Variants in RIMS1 observed in about 807,000 individuals in gnomAD.
The protein encoded by RIMS1 is regulating synaptic membrane exocytosis protein 1.
In RIMS1, 83 loss-of-function variants were observed where a neutral mutation model predicts 214.1. That is an observed-to-expected ratio of 0.39 (90% confidence interval 0.32 to 0.47). RIMS1 has a LOEUF of 0.47. Among genes scored for constraint, RIMS1 ranks in the 20% least tolerant of loss-of-function variants. The pLI is 0.99. For synonymous variants in RIMS1, 793 were observed against 786.8 expected, an observed-to-expected ratio of 1.01 and a Z score of -0.13; for missense variants, 2,050 against 2,161.8, an observed-to-expected ratio of 0.95 and a Z score of 1.03.
chr6:72,338,565 A>G (rs944859401), intron 29 of RIMS1, among the ~76,000 whole-genome samples: 3 of 151,992 alleles, frequency 2.0e-5, no homozygotes, highest in Admixed American at 6.6e-5. Context: ...TTTGCCACCT[A>G]CTCATCTGAC....
chr6:72,278,342 G>A (rs184740487), intron 23 of RIMS1, among the ~76,000 whole-genome samples: 1 of 152,168 alleles, frequency 6.6e-6, no homozygotes, highest in Non-Finnish European at 1.5e-5. Context: ...TTCTGCTAAA[G>A]TGGCTCTAGT....
chr6:72,193,844 C>A (rs1406260591), intron 6 of RIMS1, among the ~76,000 whole-genome samples: 2 of 151,958 alleles, frequency 1.3e-5, no homozygotes, highest in Non-Finnish European at 2.9e-5. Context: ...TTATCAATAT[C>A]TATAATATAC....
chr6:72,386,735 T>C (rs1456009131), intron 29 of RIMS1, among the ~76,000 whole-genome samples: 7 of 146,358 alleles, frequency 4.8e-5, no homozygotes, highest in South Asian at 4.5e-4. Context: ...GTCTTTCTTT[T>C]TTTTTTTTTT....
intron 29 of RIMS1, among the ~76,000 whole-genome samples, chr6:72,374,420 T>A (rs1307967361): frequency 6.6e-6 from 1 of 152,258 alleles, no homozygotes; most frequent in Non-Finnish European, 1.5e-5. Flanking sequence ...TAAGTTTTTA[T>A]GCATAAGTTA....
Position 72,207,754 on chromosome 6 carries a change from AAAAC to A in RIMS1, c.1678+24625_1678+24628del, listed in dbSNP as rs766881579. Among the ~76,000 whole-genome samples the A allele has an allele frequency of 1.0e-3, 159 of 152,218 alleles. 3 individuals carry two copies. Among genetic ancestry groups the A allele is most frequent in the Admixed American group, 5.2e-3 (80 of 15,278 alleles). ...AAGGCTGAGGAAATTAAACGTAGGC[AAAAC>A]AAACAAACAAACAAACAAAAAAATT... On this transcript the variant is annotated intron_variant, in intron 6 of 33. Transcript: ENST00000521978.
chr6:72,075,038 A>T lies in RIMS1; in HGVS notation c.246-21911A>T, dbSNP rs190325303. Among the ~76,000 whole-genome samples, 5 of 152,294 alleles carry T rather than the reference A, an allele frequency of 3.3e-5. No homozygotes were observed. The East Asian group carries it at 9.7e-4, about 29-fold the overall frequency. ...TTGAGTTCAAGGCATAGTCCTGATC[A>T]TCCCTGAAGTAGCTGGGAAGACAGA... is the stretch of plus-strand genomic sequence containing the variant. On this transcript the variant is annotated intron_variant, in intron 2 of 33. Coordinates refer to ENST00000521978, the MANE Select transcript of RIMS1 (RefSeq NM_014989.7).
At chr6:71,964,055 T>A (rs1470436103) in intron 1 of RIMS1, among the ~76,000 whole-genome samples, 2 of 152,088 alleles carry the variant, frequency 1.3e-5, no homozygotes, top group Admixed American at 6.6e-5. Flanking sequence ...TAGAGCAACG[T>A]GAAGGGTGCA....
intron 1 of RIMS1, among the ~76,000 whole-genome samples, chr6:71,916,411 G>A (rs1778440915): frequency 6.6e-6 from 1 of 152,084 alleles, no homozygotes; most frequent in Non-Finnish European, 1.5e-5. Context: ...TGAAATCATT[G>A]TCCTACGAAG....
chr6:72,288,111 A>G (rs1419917697), intron 24 of RIMS1, among the ~76,000 whole-genome samples: 7 of 152,190 alleles, frequency 4.6e-5, no homozygotes, highest in African/African-American at 1.7e-4. Context: ...ATCCTATCTC[A>G]CTAGACAGAA....
At chr6:72,198,361 A>G (rs552649047) in intron 6 of RIMS1, among the ~76,000 whole-genome samples, 4 of 152,126 alleles carry the variant, frequency 2.6e-5, no homozygotes, top group African/African-American at 9.6e-5. Flanking sequence ...CTGCAGTAAC[A>G]TGGATGGAAC....
chr6:72,363,258 A>G (rs965788039), intron 29 of RIMS1, among the ~76,000 whole-genome samples: 25 of 152,346 alleles, frequency 1.6e-4, no homozygotes, highest in South Asian at 2.1e-4. Flanking sequence ...AGGAAGTAAA[A>G]AAAGGTCAAA....
chr6:72,289,452 A>G (rs916222237), intron 24 of RIMS1, among the ~76,000 whole-genome samples: 1 of 152,208 alleles, frequency 6.6e-6, no homozygotes, highest in Non-Finnish European at 1.5e-5. Flanking sequence ...TAATTTGGAA[A>G]TTGAGGTAAC....
At chr6:72,371,063 T>G (rs1446671411) in intron 29 of RIMS1, among the ~76,000 whole-genome samples, 1 of 152,204 alleles carries the variant, frequency 6.6e-6, no homozygotes, top group Non-Finnish European at 1.5e-5. Context: ...ATTTGTCAAC[T>G]CTGATCAAAA....
At chr6:71,980,546 T>G (rs1584053186) in intron 2 of RIMS1, among the ~76,000 whole-genome samples, 2 of 152,230 alleles carry the variant, frequency 1.3e-5, no homozygotes, top group Admixed American at 1.3e-4. Context: ...TTTATGAATG[T>G]CCTTGAAGTC....
chr6:72,158,876 A>C (rs2044847141), intron 4 of RIMS1, among the ~76,000 whole-genome samples: 1 of 140,250 alleles, frequency 7.1e-6, no homozygotes, highest in African/African-American at 2.5e-5. Context: ...ATATGTGTGC[A>C]TGTGTCTTTA....
intron 6 of RIMS1, among the ~76,000 whole-genome samples, chr6:72,192,821 C>T (rs2050274359): frequency 6.6e-6 from 1 of 152,168 alleles, no homozygotes; most frequent in Non-Finnish European, 1.5e-5. Flanking sequence ...TGTTCTTCTA[C>T]CTGCTTTTAT....
At chr6:71,967,615 GA>G (rs1452969912) in intron 1 of RIMS1, among the ~76,000 whole-genome samples, 2 of 152,182 alleles carry the variant, frequency 1.3e-5, no homozygotes, top group Admixed American at 1.3e-4. Context: ...ACCGGGGAAA[GA>G]ACACAAGGCT....
intron 1 of RIMS1, among the ~76,000 whole-genome samples, chr6:71,910,153 C>G (rs900221375): frequency 6.6e-6 from 1 of 152,086 alleles, no homozygotes; most frequent in Non-Finnish European, 1.5e-5. Flanking sequence ...TCTGCACACA[C>G]TTTTCTCCTG....
rs746551422 is a variant in RIMS1 at position 72,274,409 on chromosome 6, G to C, written c.3459G>C (p.Gln1153His). Reference sequence around the variant, plus strand: ...CTCCTAGTCCCAGGATTCAAATCCAGCATGCGTCTCCGGAGAATGACAGGT... The same window carrying C: ...CTCCTAGTCCCAGGATTCAAATCCACCATGCGTCTCCGGAGAATGACAGGT... ...RRPPSPRIQI[Q>H]HASPENDRHS... The change falls in exon 23 of 34, where the codon CAG (glutamine) becomes CAC (histidine). Residue 1153 changes from glutamine (Q) to histidine (H), a missense_variant. By Grantham distance (24) the Gln-to-His change is conservative (BLOSUM62 0). Coordinates refer to ENST00000521978, the MANE Select transcript of RIMS1 (RefSeq NM_014989.7). 66 of 1,613,160 alleles carry C rather than the reference G, an allele frequency of 4.1e-5. No homozygotes were observed. The highest frequency in any genetic ancestry group is 5.5e-5 in the Non-Finnish European group (65 of 1,179,414).
Sources: gnomAD v4.1 joint callset for allele counts (sites outside exome capture counted in the v4.1 genomes callset) on GRCh38, gnomAD v4.1.1 for gene constraint, MANE v1.5 for transcripts, NCBI Gene and HGNC (gene_info 2026-07-23, HGNC 2026-07-21) for gene names.